Variants in C8orf34 observed in about 807,000 individuals in gnomAD.
C8orf34 encodes the protein uncharacterized protein C8orf34.
In C8orf34, 65 loss-of-function variants were observed where a neutral mutation model predicts 68.3. The observed-to-expected ratio is 0.95, with a 90% CI of 0.78 to 1.17. The LOEUF is 1.17. C8orf34 is among the 50% of genes most tolerant of loss of function. The pLI, the probability that C8orf34 is intolerant of heterozygous loss-of-function variation, is 0.00. For missense variants in C8orf34, 664 were observed against 655.4 expected, an observed-to-expected ratio of 1.01 and a Z score of -0.14; for synonymous variants, 244 against 241.2, an observed-to-expected ratio of 1.01 and a Z score of -0.11.
chr8:68,579,535 G>C (rs542146906), intron 7 of C8orf34, among the ~76,000 whole-genome samples: 1 of 152,024 alleles, frequency 6.6e-6, no homozygotes, highest in Non-Finnish European at 1.5e-5. Flanking sequence ...CTAGTCTGAT[G>C]GTTTATCTTA....
chr8:68,658,953 C>T (rs1819590100), intron 8 of C8orf34, among the ~76,000 whole-genome samples: 1 of 152,124 alleles, frequency 6.6e-6, no homozygotes, highest in African/African-American at 2.4e-5. Flanking sequence ...TACCGTTTTA[C>T]TTTCAGTTGG....
chr8:68,403,507 T>C (rs1809049844), intron 1 of C8orf34, among the ~76,000 whole-genome samples: 1 of 152,068 alleles, frequency 6.6e-6, no homozygotes, highest in Non-Finnish European at 1.5e-5. Flanking sequence ...CTACATTAGG[T>C]ATTTCTCCTA....
intron 12 of C8orf34, among the ~76,000 whole-genome samples, chr8:68,793,557 C>T (rs200670720): frequency 1.5e-4 from 23 of 151,040 alleles, no homozygotes; most frequent in East Asian, 4.0e-4. Context: ...AGCAAACCAA[C>T]GCAAAGACAG....
intron 7 of C8orf34, among the ~76,000 whole-genome samples, chr8:68,555,789 T>G (rs1369273965): frequency 6.6e-6 from 1 of 152,208 alleles, no homozygotes; most frequent in Non-Finnish European, 1.5e-5. Context: ...TATATGTAGG[T>G]ATAGTTCATT....
chr8:68,606,760 A>G (rs1817866778), intron 7 of C8orf34, among the ~76,000 whole-genome samples: 1 of 152,070 alleles, frequency 6.6e-6, no homozygotes, highest in African/African-American at 2.4e-5. Context: ...AAGGGAGTGA[A>G]GGAGGGCATA....
chr8:68,559,160 A>AT (rs1467494707), intron 7 of C8orf34, among the ~76,000 whole-genome samples: 2 of 152,208 alleles, frequency 1.3e-5, no homozygotes, highest in Non-Finnish European at 2.9e-5. Context: ...AAAGGGAGTT[A>AT]TCCCTAGATT....
At chr8:68,757,763 C>T (rs939512198) in intron 10 of C8orf34, among the ~76,000 whole-genome samples, 1 of 152,112 alleles carries the variant, frequency 6.6e-6, no homozygotes, top group Non-Finnish European at 1.5e-5. Context: ...GTAAACATAA[C>T]GTACAATGGA....
rs1436924798 is a variant in C8orf34, at chr8:68,464,860, T to G, written c.608-3832T>G. ...ACCATAAAAACCCTAGAAGAAAACC[T>G]AGGCAATACCATTCAGGACATAGGC... On this transcript the variant is annotated intron_variant, in intron 3 of 13. Coordinates refer to ENST00000518698, the MANE Select transcript of C8orf34 (RefSeq NM_052958.4). Among the ~76,000 whole-genome samples, 5 of 152,114 alleles carry G rather than the reference T, an allele frequency of 3.3e-5. No individual in the cohort carries two copies. In the East Asian group the frequency reaches 7.7e-4, roughly 24 times the overall value.
In C8orf34 at chr8:68,640,502, G is replaced by A. The variant is rs928203971; in HGVS notation, c.1232G>A (p.Arg411Lys). The A allele has an allele frequency of 1.2e-6, 2 of 1,613,208 alleles. No individual in the cohort carries two copies. The highest frequency in any genetic ancestry group is 1.7e-6 in the Non-Finnish European group (2 of 1,179,638). The part of the protein sequence containing the change: ...QAKVTLNICS[R>K]CARLQGDNLE... ...AAGGTCACACTGAACATCTGTTCAAGGTGTGCCAGGTAAAAGACATAATAG... is the reference window on the plus strand; with the variant it reads ...AAGGTCACACTGAACATCTGTTCAAAGTGTGCCAGGTAAAAGACATAATAG... The change falls in exon 8 of 14, where the codon AGG (arginine) becomes AAG (lysine). Residue 411 changes from arginine (R) to lysine (K), a missense_variant. Transcript: ENST00000518698.
chr8:68,500,874 G>A (rs749517960), intron 5 of C8orf34, among the ~76,000 whole-genome samples: 12 of 152,000 alleles, frequency 7.9e-5, no homozygotes, highest in East Asian at 1.9e-4. Context: ...GATACTTCTC[G>A]ATCTGAGCTG....
In C8orf34 at chr8:68,667,020, G is replaced by A. The variant is rs181085043; in HGVS notation, c.1241+26509G>A. On this transcript the variant is annotated intron_variant, in intron 8 of 13. Coordinates refer to ENST00000518698, the MANE Select transcript of C8orf34 (RefSeq NM_052958.4). ...CATGCAGAACAAAATTATTCTAATC[G>A]CTGAAGGAGAGAACTCACAGAACTT... Among the ~76,000 whole-genome samples the A allele has an allele frequency of 3.1e-3, 467 of 152,046 alleles. 3 individuals carry two copies. The highest frequency in any genetic ancestry group is 0.014 in the Middle Eastern group (4 of 292).
At chr8:68,400,136 T>G (rs955299519) in intron 1 of C8orf34, among the ~76,000 whole-genome samples, 6 of 152,140 alleles carry the variant, frequency 3.9e-5, no homozygotes, top group African/African-American at 1.4e-4. Context: ...CTCTGTTGAT[T>G]CTTTCCTTTG....
At chr8:68,536,016 C>A (rs991928288) in intron 7 of C8orf34, among the ~76,000 whole-genome samples, 1 of 151,892 alleles carries the variant, frequency 6.6e-6, no homozygotes, top group African/African-American at 2.4e-5. Flanking sequence ...TATAGAAAAT[C>A]TTCACATATT....
chr8:68,463,765 C>G (rs937918827), intron 3 of C8orf34, among the ~76,000 whole-genome samples: 6 of 152,068 alleles, frequency 3.9e-5, no homozygotes, highest in Admixed American at 2.0e-4. Flanking sequence ...AAGCTCTCAA[C>G]AAATTAGGTA....
At chr8:68,607,958 A>G (rs1462109767) in intron 7 of C8orf34, among the ~76,000 whole-genome samples, 2 of 152,158 alleles carry the variant, frequency 1.3e-5, no homozygotes, top group Non-Finnish European at 2.9e-5. Flanking sequence ...CTGTGTGGTC[A>G]GAGAGGCCAG....
intron 7 of C8orf34, among the ~76,000 whole-genome samples, chr8:68,628,235 T>C (rs541754274): frequency 3.9e-5 from 6 of 152,328 alleles, no homozygotes; most frequent in Non-Finnish European, 7.4e-5. Context: ...TGTATTTTGT[T>C]CTTATTATTT....
intron 1 of C8orf34, among the ~76,000 whole-genome samples, chr8:68,422,199 T>C (rs911041794): frequency 5.3e-5 from 8 of 152,214 alleles, no homozygotes; most frequent in Non-Finnish European, 1.2e-4. Context: ...TTTTAACTTA[T>C]TCCAGCATTA....
At chr8:68,446,612 T>A in intron 3 of C8orf34, 152 bp downstream of exon 3, 1 of 707,778 alleles carries the variant, frequency 1.4e-6, no homozygotes, top group Non-Finnish European at 2.3e-6. Context: ...GCATTTACAT[T>A]GATCTTCATT....
intron 7 of C8orf34, among the ~76,000 whole-genome samples, chr8:68,633,221 A>G (rs983003211): frequency 1.3e-5 from 2 of 152,164 alleles, no homozygotes; most frequent in African/African-American, 4.8e-5. Context: ...CGAACTAGAT[A>G]GTAAAAGAAT....
Sources: allele counts gnomAD v4.1 joint callset (sites outside exome capture counted in the v4.1 genomes callset), GRCh38; gene constraint gnomAD v4.1.1; transcripts MANE v1.5; gene names NCBI Gene and HGNC (gene_info 2026-07-23, HGNC 2026-07-21).